Variants in ADGRV1 observed in about 807,000 individuals in gnomAD.
The protein encoded by ADGRV1 is G-protein coupled receptor 98.
Under a neutral mutation model 596.2 loss-of-function variants are expected in ADGRV1, and 359 were observed. The ratio of observed to expected loss-of-function variants is 0.60; its 90% CI spans 0.55 to 0.66. The LOEUF (loss-of-function observed/expected upper bound fraction) is 0.66, where lower values mean the gene tolerates loss of function less well. Among genes scored for constraint, ADGRV1 ranks in the 30% least tolerant of loss-of-function variants. The pLI is 0.00. For synonymous variants in ADGRV1, 2,681 were observed against 2,679.2 expected, an observed-to-expected ratio of 1.00 and a Z score of -0.02; for missense variants, 7,274 against 7,575.6, an observed-to-expected ratio of 0.96 and a Z score of 1.48.
intron 1 of ADGRV1, among the ~76,000 whole-genome samples, chr5:90,606,757 C>T (rs916803409): frequency 5.3e-5 from 8 of 151,686 alleles, no homozygotes; most frequent in Non-Finnish European, 1.2e-4. Context: ...TGGTTGCCCT[C>T]TACACCTAGG....
intron 83 of ADGRV1, among the ~76,000 whole-genome samples, chr5:90,935,277 GT>G (rs1372221149): frequency 2.6e-5 from 4 of 152,170 alleles, no homozygotes; most frequent in African/African-American, 9.7e-5. Context: ...CAAAACAGAA[GT>G]TAATACTTTC....
rs993464409 is a variant in ADGRV1 at position 90,830,180 on chromosome 5, C to T, written c.16611+994C>T. 1.2e-4 allele frequency among the ~76,000 whole-genome samples: 18 copies of T among 152,024 alleles called. 1 individual carries two copies. Among genetic ancestry groups the T allele is most frequent in the Non-Finnish European group, 1.5e-5 (1 of 68,008 alleles). On this transcript the variant is annotated intron_variant, in intron 77 of 89. Coordinates refer to ENST00000405460, the MANE Select transcript of ADGRV1 (RefSeq NM_032119.4). ...AGGCCTCAAGCTGTGGATATTAAGC[C>T]GTTCTGAAAGTTTGCCAGGCAGTAA... is the stretch of plus-strand genomic sequence containing the variant.
In ADGRV1 at chr5:90,629,480, A is replaced by G. The variant is rs1367434066; in HGVS notation, c.1780A>G (p.Thr594Ala). Residue 594 changes from threonine (T) to alanine (A), a missense_variant, in exon 9 of 90, where the codon ACA becomes GCA. Around this residue, in one of 5 missense-constraint regions of ADGRV1, gnomAD observed 1,715 missense variants for 1,708.8 expected, o/e 1.00. Transcript: ENST00000405460. The stretch of plus-strand genomic sequence containing the variant: ...TCCAGAGCAAAAAACTCAAGTCACT[A>G]CAAAATTACCAATAAGAAATGATGC... ...IFPEQKTQVT[T>A]KLPIRNDAFL... 5 of 1,613,452 alleles carry G rather than the reference A, an allele frequency of 3.1e-6. No homozygotes were observed. The highest frequency in any genetic ancestry group is 2.2e-5 in the East Asian group (1 of 44,864).
chr5:90,762,357 A>G (rs543002398), intron 58 of ADGRV1, among the ~76,000 whole-genome samples: 11 of 152,280 alleles, frequency 7.2e-5, no homozygotes, highest in African/African-American at 2.4e-4. Context: ...AAGATAAGGT[A>G]TATGTAAGAA....
chr5:90,966,989 C>G (rs1287985664), intron 84 of ADGRV1, among the ~76,000 whole-genome samples: 1 of 152,064 alleles, frequency 6.6e-6, no homozygotes, highest in Non-Finnish European at 1.5e-5. Context: ...GGTTGTGGGA[C>G]TTGATGATGT....
chr5:90,622,115 C>G (rs972103921), intron 4 of ADGRV1, among the ~76,000 whole-genome samples: 14 of 152,174 alleles, frequency 9.2e-5, no homozygotes, highest in African/African-American at 3.1e-4. Flanking sequence ...TTGCTTTCAC[C>G]TCCTGCAGAG....
At chr5:90,668,564 C>CCGTTTTCTG (rs1554076956) in intron 21 of ADGRV1, among the ~76,000 whole-genome samples, 2 of 151,932 alleles carry the variant, frequency 1.3e-5, no homozygotes, top group African/African-American at 2.4e-5. Context: ...CAGAAATCAC[C>CCGTTTTCTG]CGTCTTCTGC....
chr5:90,652,400 T>A lies in ADGRV1; in HGVS notation c.3471T>A (p.Phe1157Leu). Residue 1157 changes from phenylalanine (F) to leucine (L), a missense_variant, in exon 19 of 90, where the codon TTT becomes TTA. By Grantham distance (22) the Phe-to-Leu change is conservative (BLOSUM62 0). Transcript: ENST00000405460. ...FGSVSVSWQL[F>L]QNDSALQPGQ... ...GTGTTTCTGTATCTTGGCAGCTCTT[T>A]CAGAATGATTCTGCTTTGCAGCCTG... 6.2e-7 allele frequency: 1 copy of A among 1,611,428 alleles called. No individual in the cohort carries two copies. The highest frequency in any genetic ancestry group is 1.1e-5 in the South Asian group (1 of 90,080).
At chr5:91,087,204 T>G (rs896958196) in intron 86 of ADGRV1, among the ~76,000 whole-genome samples, 4 of 152,178 alleles carry the variant, frequency 2.6e-5, no homozygotes, top group African/African-American at 9.6e-5. Flanking sequence ...CTTTTATAAA[T>G]CTCTCTTATA....
chr5:90,716,766 C>T (rs1357242343), intron 43 of ADGRV1, 37 bp downstream of exon 43: 6 of 1,496,512 alleles, frequency 4.0e-6, no homozygotes, highest in Non-Finnish European at 5.5e-6. Context: ...GGAAGTTTAT[C>T]TTTAATATTT....
intron 38 of ADGRV1, among the ~76,000 whole-genome samples, chr5:90,706,962 G>T (rs956921814): frequency 6.6e-6 from 1 of 151,872 alleles, no homozygotes; most frequent in African/African-American, 2.4e-5. Context: ...AGACATGTCC[G>T]TGATAAAGAA....
intron 16 of ADGRV1, 75 bp downstream of exon 16, chr5:90,646,166 A>ATATATACATTTATATGCACGTGCG (rs1322797723): frequency 5.8e-6 from 6 of 1,036,042 alleles, no homozygotes; most frequent in Admixed American, 3.6e-5. Flanking sequence ...ATGCACGTGC[A>ATATATACATTTATATGCACGTGCG]TATATACATT....
At chr5:90,889,240 C>T (rs1770578484) in intron 83 of ADGRV1, among the ~76,000 whole-genome samples, 1 of 152,118 alleles carries the variant, frequency 6.6e-6, no homozygotes, top group African/African-American at 2.4e-5. Context: ...GCCCCTTGAT[C>T]TTTTAAGTGT....
At chr5:91,156,093 A>G (rs1796457171) in intron 89 of ADGRV1, among the ~76,000 whole-genome samples, 1 of 152,224 alleles carries the variant, frequency 6.6e-6, no homozygotes, top group Non-Finnish European at 1.5e-5. Flanking sequence ...ATGAGTTCAG[A>G]TGTAGGCCTG....
rs1448985732 is a variant in ADGRV1 at position 91,160,966 on chromosome 5, A to G, written c.18803-2816A>G. Among the ~76,000 whole-genome samples the G allele has an allele frequency of 2.0e-4, 30 of 152,220 alleles. 1 individual carries two copies. Among genetic ancestry groups the G allele is most frequent in the Admixed American group, 1.9e-3 (29 of 15,282 alleles). On this transcript the variant is annotated intron_variant, in intron 89 of 89. Coordinates refer to ENST00000405460, the MANE Select transcript of ADGRV1 (RefSeq NM_032119.4). ...GCTAAACAAGCTCAGCATGCTTTCA[A>G]TAAGGCAGAGCTTGTCTTTCTAGTG...
At chr5:90,727,589 T>C (rs1751970156) in intron 48 of ADGRV1, among the ~76,000 whole-genome samples, 1 of 152,222 alleles carries the variant, frequency 6.6e-6, no homozygotes, top group South Asian at 2.1e-4. Context: ...ATACTTAGAA[T>C]AAATTTGAAA....
At chr5:90,816,891 T>C (rs1762951241) in intron 75 of ADGRV1, among the ~76,000 whole-genome samples, 1 of 152,130 alleles carries the variant, frequency 6.6e-6, no homozygotes, top group Admixed American at 6.5e-5. Context: ...TGTGTCTTTA[T>C]AGCAGCATGA....
rs116446829 is a variant in ADGRV1 at position 90,657,843 on chromosome 5, C to G, written c.4379-62C>G. ...AAATTGTCTTACTTTCTGAATCACA[C>G]GTAAAATTTAGGACAGGACACTTGA... On this transcript the variant is annotated intron_variant, in intron 20 of 89. Coordinates refer to ENST00000405460, the MANE Select transcript of ADGRV1 (RefSeq NM_032119.4). 2,409 of 1,445,428 alleles carry G rather than the reference C, an allele frequency of 1.7e-3. 32 individuals are homozygous for G. The African/African-American group carries it at 0.031, about 19-fold the overall frequency. 89.5% of individuals were successfully genotyped at this position (1,445,428 alleles called of 1,614,324 possible).
chr5:91,011,022 TA>T (rs1394058588), intron 85 of ADGRV1, among the ~76,000 whole-genome samples: 1 of 151,940 alleles, frequency 6.6e-6, no homozygotes, highest in East Asian at 1.9e-4. Context: ...TTAATATGCA[TA>T]AAAAATATGG....
Sources: allele counts gnomAD v4.1 joint callset (sites outside exome capture counted in the v4.1 genomes callset), GRCh38; gene constraint gnomAD v4.1.1; regional missense constraint gnomAD v4.1.1; transcripts MANE v1.5; gene names NCBI Gene and HGNC (gene_info 2026-07-23, HGNC 2026-07-21).